The following CDH4 variants were observed in gnomAD, a reference collection of about 807,000 sequenced individuals.
CDH4 encodes the protein cadherin 4, also known as cadherin-4.
Under a neutral mutation model 86.0 loss-of-function variants are expected in CDH4, and 33 were observed. The observed-to-expected ratio is 0.38, with a 90% CI of 0.29 to 0.51. The LOEUF is 0.51. CDH4 is among the 20% of genes least tolerant of loss of function. CDH4 has a pLI of 0.86. For missense variants in CDH4, 1,114 were observed against 1,307.4 expected, an observed-to-expected ratio of 0.85 and a Z score of 2.28; for synonymous variants, 555 against 549.4, an observed-to-expected ratio of 1.01 and a Z score of -0.14.
intron 3 of CDH4, among the ~76,000 whole-genome samples, chr20:61,753,049 CTG>C (rs377723894): frequency 5.3e-5 from 8 of 152,142 alleles, no homozygotes; most frequent in African/African-American, 1.4e-4. Context: ...GGCTACCTAA[CTG>C]TGTTTAGAGA....
rs898770549 is a variant in CDH4, at chr20:61,501,341, G to A, written c.170-242222G>A. On this transcript the variant is annotated intron_variant, in intron 2 of 15. Coordinates refer to ENST00000614565, the MANE Select transcript of CDH4 (RefSeq NM_001794.5). This position sits in a 1 kb window ranked among gnomAD's most constrained non-coding sequence, Gnocchi z 4.2. Reference sequence around the variant, plus strand: ...TCCGTGCAGAACAGCGGTTAGAGACGGGTGGAAAGAGAGAGCATTGGGGTG... The same window carrying A: ...TCCGTGCAGAACAGCGGTTAGAGACAGGTGGAAAGAGAGAGCATTGGGGTG... Among the ~76,000 whole-genome samples, 3 of 152,192 alleles carry A rather than the reference G, an allele frequency of 2.0e-5. No individual in the cohort carries two copies. Among genetic ancestry groups the A allele is most frequent in the Non-Finnish European group, 4.4e-5 (3 of 68,032 alleles).
chr20:61,322,915 T>G (rs2427081), intron 2 of CDH4, among the ~76,000 whole-genome samples: 125,612 of 151,928 alleles, frequency 0.83, 52,860 homozygotes, highest in East Asian at 1. Context: ...TGTCCCCTTT[T>G]ATGTCCCAGG....
intron 2 of CDH4, among the ~76,000 whole-genome samples, chr20:61,278,839 G>A (rs553515969): frequency 2.6e-5 from 4 of 152,346 alleles, no homozygotes; most frequent in South Asian, 2.1e-4. Context: ...TGGGCTGGCC[G>A]TGCCACTTAC....
rs183005971 is a variant in CDH4, at chr20:61,823,620, A to G, written c.577-21048A>G. Among the ~76,000 whole-genome samples the G allele has an allele frequency of 6.0e-3, 920 of 152,336 alleles. 5 individuals are homozygous for G. The highest frequency in any genetic ancestry group is 0.015 in the South Asian group (71 of 4,826). On this transcript the variant is annotated intron_variant, in intron 4 of 15. Transcript: ENST00000614565. ...CAAAGATACACTAAAATGTGGCAGG[A>G]TGAGGACTTGAACCCAGAGCTCTTT...
intron 4 of CDH4, among the ~76,000 whole-genome samples, chr20:61,834,909 A>G (rs1981795837): frequency 6.6e-6 from 1 of 152,162 alleles, no homozygotes; most frequent in South Asian, 2.1e-4. Context: ...GACGCCTCAC[A>G]TCTGCCCCAG....
intron 6 of CDH4, among the ~76,000 whole-genome samples, chr20:61,863,079 TG>T (rs1211899407): frequency 6.6e-6 from 1 of 152,232 alleles, no homozygotes; most frequent in Non-Finnish European, 1.5e-5. Context: ...AAGCCAATTA[TG>T]GGGCTGAATT....
At chr20:61,331,248 G>A (rs61574244) in intron 2 of CDH4, among the ~76,000 whole-genome samples, 19,528 of 151,800 alleles carry the variant, frequency 0.13, 1,594 homozygotes, top group East Asian at 0.32. Flanking sequence ...TCCCACCCTG[G>A]GATGAGGCCC....
chr20:61,888,723 A>T (rs965572607), intron 7 of CDH4, among the ~76,000 whole-genome samples: 1 of 152,178 alleles, frequency 6.6e-6, no homozygotes, highest in Non-Finnish European at 1.5e-5. Context: ...CATCGGGCTG[A>T]TGTCACCATG....
intron 6 of CDH4, among the ~76,000 whole-genome samples, chr20:61,864,921 C>A (rs1362423702): frequency 6.6e-6 from 1 of 152,204 alleles, no homozygotes; most frequent in East Asian, 1.9e-4. Context: ...CTGTCACCCC[C>A]CCGGGTCCTG....
At chr20:61,589,903 T>C (rs528985260) in intron 2 of CDH4, among the ~76,000 whole-genome samples, 2 of 150,006 alleles carry the variant, frequency 1.3e-5, no homozygotes, top group South Asian at 4.3e-4. Flanking sequence ...GAACAGATAA[T>C]CAACAGGATT....
intron 2 of CDH4, among the ~76,000 whole-genome samples, chr20:61,655,013 G>A (rs771228437): frequency 3.3e-5 from 5 of 152,264 alleles, no homozygotes; most frequent in Non-Finnish European, 7.3e-5. Context: ...GTGGGGAGGA[G>A]GCGACACTGG....
At chr20:61,737,550 G>C (rs1319382832) in intron 2 of CDH4, among the ~76,000 whole-genome samples, 1 of 152,194 alleles carries the variant, frequency 6.6e-6, no homozygotes, top group Admixed American at 6.5e-5. Context: ...CCTGGCCACT[G>C]ACCACCCTGG....
intron 2 of CDH4, among the ~76,000 whole-genome samples, chr20:61,262,357 G>T (rs544156674): frequency 6.6e-6 from 1 of 152,200 alleles, no homozygotes; most frequent in Admixed American, 6.5e-5. Context: ...ACTTGAAACA[G>T]TCTGAAGATG....
chr20:61,562,089 G>A (rs1341675950), intron 2 of CDH4, among the ~76,000 whole-genome samples: 1 of 131,834 alleles, frequency 7.6e-6, no homozygotes, highest in East Asian at 2.3e-4. Flanking sequence ...TCCGTGTGGA[G>A]AGGTGGACCC....
At chr20:61,844,632 AG>A in intron 4 of CDH4, 35 bp from the exon 5 acceptor site, 1 of 1,584,366 alleles carries the variant, frequency 6.3e-7, no homozygotes, top group African/African-American at 1.3e-5. Flanking sequence ...TCCTCACCAC[AG>A]GATAACCTCT....
At chr20:61,404,587 T>A (rs992412188) in intron 2 of CDH4, among the ~76,000 whole-genome samples, 1 of 152,098 alleles carries the variant, frequency 6.6e-6, no homozygotes, top group Non-Finnish European at 1.5e-5. Context: ...AGAGACAACG[T>A]GGGCAGGGGA....
At chr20:61,827,267 T>A (rs1425317758) in intron 4 of CDH4, among the ~76,000 whole-genome samples, 2 of 152,230 alleles carry the variant, frequency 1.3e-5, no homozygotes, top group Non-Finnish European at 2.9e-5. Flanking sequence ...GTGGGAATTA[T>A]TTTAATTATT....
intron 2 of CDH4, among the ~76,000 whole-genome samples, chr20:61,742,422 C>T (rs563603538): frequency 5.3e-4 from 80 of 152,292 alleles, no homozygotes; most frequent in African/African-American, 1.9e-3. Context: ...GTTATTTATT[C>T]TTTCAAGGCA....
At chr20:61,376,477 G>A (rs1023102812) in intron 2 of CDH4, among the ~76,000 whole-genome samples, 5 of 152,158 alleles carry the variant, frequency 3.3e-5, no homozygotes, top group Admixed American at 6.5e-5. Context: ...GCACAGAAGT[G>A]GGGCAGGGGA....
Sources: allele counts gnomAD v4.1 joint callset (sites outside exome capture counted in the v4.1 genomes callset), GRCh38; gene constraint gnomAD v4.1.1; non-coding constraint Gnocchi (gnomAD v3.1); transcripts MANE v1.5; gene names NCBI Gene and HGNC (gene_info 2026-07-23, HGNC 2026-07-21).